The following P2RY6 variants were observed in gnomAD, a reference collection of about 807,000 sequenced individuals.
P2RY6 encodes the protein pyrimidinergic receptor P2Y6.
A neutral mutation model predicts 16.3 loss-of-function variants in P2RY6; 19 were observed. The observed-to-expected ratio is 1.16, with a 90% CI of 0.81 to 1.71. The LOEUF (loss-of-function observed/expected upper bound fraction) is 1.71, where lower values mean the gene tolerates loss of function less well. Ranked by LOEUF, P2RY6 falls within the 40% of genes most tolerant of loss-of-function variation. The pLI is 0.00. For missense variants in P2RY6, 389 were observed against 455.5 expected, an observed-to-expected ratio of 0.85 and a Z score of 1.33; for synonymous variants, 184 against 201.5, an observed-to-expected ratio of 0.91 and a Z score of 0.74.
At chr11:73,295,605 G>A (rs1381460572) in intron 1 of P2RY6, 125 bp from the exon 2 acceptor site, 6 of 171,298 alleles carry the variant, frequency 3.5e-5, no homozygotes, top group Non-Finnish European at 7.0e-5. Context: ...CTTCAGGGAC[G>A]CTGTTTTCAC....
upstream of P2RY6, among the ~76,000 whole-genome samples, chr11:73,269,161 A>G (rs1411700662): frequency 2.0e-5 from 3 of 152,138 alleles, no homozygotes; most frequent in Admixed American, 2.0e-4. Flanking sequence ...TGTGGGGTGT[A>G]AACTGTAAAG....
At chr11:73,293,249 T>C (rs1591695352) in intron 1 of P2RY6, among the ~76,000 whole-genome samples, 1 of 152,084 alleles carries the variant, frequency 6.6e-6, no homozygotes, top group African/African-American at 2.4e-5. Flanking sequence ...CCACTGGCTG[T>C]GTGGGAGTCT....
chr11:73,269,080 G>A (rs770250517), upstream of P2RY6, among the ~76,000 whole-genome samples: 10 of 152,204 alleles, frequency 6.6e-5, no homozygotes, highest in East Asian at 1.3e-3. Context: ...GCTGCCTGGC[G>A]GCAGGGCCTC....
chr11:73,292,466 T>C (rs1014223694), intron 1 of P2RY6, among the ~76,000 whole-genome samples: 2 of 152,134 alleles, frequency 1.3e-5, no homozygotes, highest in Non-Finnish European at 2.9e-5. Context: ...GTGTTATAGC[T>C]AAAGGAGGAG....
At chr11:73,270,911 C>A (rs1000996514), upstream of P2RY6, among the ~76,000 whole-genome samples, 15 of 152,150 alleles carry the variant, frequency 9.9e-5, 1 homozygote, top group African/African-American at 2.7e-4. Flanking sequence ...AGCCCCCTAG[C>A]TCTCCGCCCC....
chr11:73,285,484 A>T (rs1355217946), intron 1 of P2RY6, among the ~76,000 whole-genome samples: 1 of 152,128 alleles, frequency 6.6e-6, no homozygotes, highest in Non-Finnish European at 1.5e-5. Context: ...TCTTCCTCCC[A>T]GGCCACCCCT....
intron 1 of P2RY6, among the ~76,000 whole-genome samples, chr11:73,294,200 T>TCCTCAACC (rs2135756268): frequency 6.6e-6 from 1 of 152,302 alleles, no homozygotes; most frequent in South Asian, 2.1e-4. Flanking sequence ...ATGGAAATCC[T>TCCTCAACC]CCTCAACCAC....
In P2RY6 at chr11:73,296,861, C is replaced by T; in HGVS notation, c.343C>T (p.Leu115Phe). The change falls in exon 3 of 3, where the codon CTC (leucine) becomes TTC (phenylalanine). Residue 115 changes from leucine to phenylalanine, a missense_variant. Transcript: ENST00000540124. ...CTATGCCAACCTGCACGGCAGCATC[C>T]TCTTCCTCACCTGCATCAGCTTCCA... Reference protein sequence around the residue: ...LFYANLHGSILFLTCISFQRY... With the variant: ...LFYANLHGSIFFLTCISFQRY... 1 of 1,610,830 alleles carries T rather than the reference C, an allele frequency of 6.2e-7. No homozygotes were observed. The highest frequency in any genetic ancestry group is 8.5e-7 in the Non-Finnish European group (1 of 1,180,028).
At chr11:73,281,299 G>T (rs1342867378) in intron 1 of P2RY6, among the ~76,000 whole-genome samples, 1 of 152,178 alleles carries the variant, frequency 6.6e-6, no homozygotes, top group East Asian at 1.9e-4. Flanking sequence ...AGGGTGCTAG[G>T]TCAAGTCTGT....
At chr11:73,281,230 C>T (rs913143419) in intron 1 of P2RY6, among the ~76,000 whole-genome samples, 6 of 152,298 alleles carry the variant, frequency 3.9e-5, no homozygotes, top group Admixed American at 1.3e-4. Context: ...AGCTCATCCG[C>T]GCCCTCAGCC....
At chr11:73,293,502 A>C (rs1864355316) in intron 1 of P2RY6, among the ~76,000 whole-genome samples, 1 of 152,204 alleles carries the variant, frequency 6.6e-6, no homozygotes, top group Admixed American at 6.5e-5. Context: ...TCCAGGACTT[A>C]GGACCCAAAA....
intron 1 of P2RY6, among the ~76,000 whole-genome samples, chr11:73,266,875 G>C (rs894584331): frequency 6.6e-6 from 1 of 152,208 alleles, no homozygotes; most frequent in African/African-American, 2.4e-5. Context: ...GGAAGGTCTG[G>C]ACAGAGCCCT....
chr11:73,265,638 G>T (rs1307977569), intron 1 of P2RY6, among the ~76,000 whole-genome samples: 1 of 152,068 alleles, frequency 6.6e-6, no homozygotes, highest in East Asian at 1.9e-4. Context: ...GGAGAGCTGG[G>T]CTTCTGAGGA....
At chr11:73,266,282 C>A (rs181150032) in intron 1 of P2RY6, among the ~76,000 whole-genome samples, 15 of 152,164 alleles carry the variant, frequency 9.9e-5, no homozygotes, top group African/African-American at 2.9e-4. Context: ...TGGGATGGAG[C>A]GTGGGAGAGA....
At chr11:73,293,810 T>C (rs768127001) in intron 1 of P2RY6, among the ~76,000 whole-genome samples, 1 of 152,136 alleles carries the variant, frequency 6.6e-6, no homozygotes, top group African/African-American at 2.4e-5. Flanking sequence ...AGCGGCACAC[T>C]GCAGCCCCCA....
chr11:73,265,854 C>T (rs1262922182), intron 1 of P2RY6, among the ~76,000 whole-genome samples: 2 of 152,224 alleles, frequency 1.3e-5, no homozygotes, highest in Non-Finnish European at 2.9e-5. Context: ...GGCTCTGGCA[C>T]TTTATCTGCA....
At position 73,297,361 on chromosome 11, in the gene P2RY6, G is replaced by A. The variant is rs371644059; in HGVS notation, c.843G>A (p.Ala281=). 3.6e-5 allele frequency: 58 copies of A among 1,612,194 alleles called. No homozygotes were observed. The African/African-American group carries it at 5.7e-4, about 16-fold the overall frequency. ...GCACTGTATTGGAGGCCTTTGCAGC[G>A]GCCTACAAAGGCACGCGGCCGTTTG... is the stretch of plus-strand genomic sequence containing the variant. ...VPCTVLEAFA[A]AYKGTRPFAS... Residue 281 remains alanine (A), a synonymous_variant, in exon 3 of 3, where the codon GCG becomes GCA. Transcript: ENST00000540124.
At position 73,297,180 on chromosome 11, in the gene P2RY6, G is replaced by T. The variant is rs150383317; in HGVS notation, c.662G>T (p.Arg221Leu). The T allele has an allele frequency of 6.2e-7, 1 of 1,603,854 alleles. No individual in the cohort carries two copies. The highest frequency in any genetic ancestry group is 8.5e-7 in the Non-Finnish European group (1 of 1,179,658). Reference protein sequence around the residue: ...CYCLLACRLCRQDGPAEPVAQ... With the variant: ...CYCLLACRLCLQDGPAEPVAQ... ...TGTCTCCTGGCCTGCCGCCTGTGCCGCCAGGATGGCCCGGCAGAGCCTGTG... is the reference window on the plus strand; with the variant it reads ...TGTCTCCTGGCCTGCCGCCTGTGCCTCCAGGATGGCCCGGCAGAGCCTGTG... The change falls in exon 3 of 3, where the codon CGC becomes CTC. Residue 221 changes from arginine (R) to leucine (L), a missense_variant. Arg to Leu is a moderately radical substitution (Grantham distance 102). Coordinates refer to ENST00000540124, the MANE Select transcript of P2RY6 (RefSeq NM_001277204.2).
chr11:73,297,582 G>A lies in P2RY6; in HGVS notation c.*77G>A, dbSNP rs2135773138. 8.6e-7 allele frequency: 1 copy of A among 1,161,460 alleles called. No homozygotes were observed. The highest frequency in any genetic ancestry group is 2.4e-5 in the East Asian group (1 of 41,208). The allele number at this position is 1,161,460 out of a possible 1,614,324, so 71.9% of individuals were successfully genotyped here. ...AGGAGCCCCACCAACCCCAAACCAT[G>A]CGGAGAATTAGAGTTCAGCTCAGCT... On this transcript the variant is annotated 3_prime_UTR_variant, in exon 3 of 3. Coordinates refer to ENST00000540124, the MANE Select transcript of P2RY6 (RefSeq NM_001277204.2).
Sources: gnomAD v4.1 joint callset for allele counts (sites outside exome capture counted in the v4.1 genomes callset) on GRCh38, gnomAD v4.1.1 for gene constraint, MANE v1.5 for transcripts, NCBI Gene and HGNC (gene_info 2026-07-23, HGNC 2026-07-21) for gene names.